The following TENM4 variants were observed in gnomAD, a reference collection of about 807,000 sequenced individuals.
The protein encoded by TENM4 is teneurin-4.
TENM4 carries 82 observed loss-of-function variants against 243.3 expected under a neutral mutation model. The ratio of observed to expected loss-of-function variants is 0.34; its 90% CI spans 0.28 to 0.40. The LOEUF (loss-of-function observed/expected upper bound fraction) is 0.40. Among genes scored for constraint, TENM4 ranks in the 10% least tolerant of loss-of-function variants. The pLI, the probability that TENM4 is intolerant of heterozygous loss-of-function variation, is 1.00. For synonymous variants in TENM4, 1,412 were observed against 1,456.3 expected (o/e 0.97, Z 0.69); for missense variants, 3,138 against 3,673.3 (o/e 0.85, Z 3.77).
chr11:79,090,062 A>C (rs1379482620), intron 4 of TENM4, among the ~76,000 whole-genome samples: 1 of 152,154 alleles, frequency 6.6e-6, no homozygotes. Flanking sequence ...ATACAAATAT[A>C]TGTTTTTCTT....
intron 4 of TENM4, among the ~76,000 whole-genome samples, chr11:79,136,412 G>A (rs1862110916): frequency 6.6e-6 from 1 of 152,134 alleles, no homozygotes; most frequent in Admixed American, 6.5e-5. Flanking sequence ...CATGAACAAT[G>A]TGGCCATGGT....
At chr11:78,956,686 C>T (rs2136512768) in intron 6 of TENM4, among the ~76,000 whole-genome samples, 1 of 152,322 alleles carries the variant, frequency 6.6e-6, no homozygotes, top group East Asian at 1.9e-4. Context: ...AATTCAGGAT[C>T]ACCATCTATT....
At chr11:78,971,066 G>A (rs1857535031) in intron 6 of TENM4, among the ~76,000 whole-genome samples, 1 of 152,040 alleles carries the variant, frequency 6.6e-6, no homozygotes, top group South Asian at 2.1e-4. Flanking sequence ...AGGCTAGAAT[G>A]TAGTGGCTAT....
At chr11:78,758,802 T>C (rs1856368542) in intron 18 of TENM4, among the ~76,000 whole-genome samples, 2 of 152,160 alleles carry the variant, frequency 1.3e-5, no homozygotes, top group African/African-American at 2.4e-5. Flanking sequence ...ATAAAGAGTA[T>C]GGATTCCAGA....
intron 3 of TENM4, among the ~76,000 whole-genome samples, chr11:79,187,221 A>G (rs1863396340): frequency 6.6e-6 from 1 of 152,212 alleles, no homozygotes; most frequent in Admixed American, 6.5e-5. Flanking sequence ...GGTTCAAGAT[A>G]GAGTAGTTAC....
chr11:78,877,328 C>G (rs1379524207), intron 9 of TENM4, among the ~76,000 whole-genome samples: 2 of 152,210 alleles, frequency 1.3e-5, no homozygotes, highest in African/African-American at 2.4e-5. Context: ...GCCTTGTCCC[C>G]TAAGCCTAGC....
chr11:78,658,614 C>T lies in TENM4; in HGVS notation c.7754G>A (p.Ser2585Asn), dbSNP rs1167921603. ...CCTTCGCCCATCCTCATTGGCCACA[C>T]TGATGATGTCTGTGGTCACTCGGCC... ...KDGRVTTDII[S>N]VANEDGRRVA... is the part of the protein sequence containing the mutation. Residue 2585 changes from serine to asparagine, a missense_variant, in exon 34 of 34, where the codon AGT becomes AAT. Transcript: ENST00000278550. 5 of 1,613,914 alleles carry T rather than the reference C, an allele frequency of 3.1e-6. No individual in the cohort carries two copies. The Admixed American group carries it at 8.3e-5, about 27-fold the overall frequency.
intron 1 of TENM4, among the ~76,000 whole-genome samples, chr11:79,314,748 T>A (rs1308876952): frequency 6.6e-6 from 1 of 152,188 alleles, no homozygotes; most frequent in Non-Finnish European, 1.5e-5. Context: ...TAAGACATAA[T>A]CCATATACTC....
intron 6 of TENM4, among the ~76,000 whole-genome samples, chr11:78,941,586 G>A (rs1473181023): frequency 2.0e-5 from 3 of 152,278 alleles, no homozygotes; most frequent in East Asian, 1.9e-4. Context: ...GCCCTGGCAC[G>A]GCGCCGGGGC....
chr11:78,772,546 G>A (rs769782481), intron 17 of TENM4, among the ~76,000 whole-genome samples: 3 of 152,156 alleles, frequency 2.0e-5, no homozygotes, highest in Non-Finnish European at 1.5e-5. Flanking sequence ...CTTCTGCCAT[G>A]AATTAATGGG....
intron 3 of TENM4, among the ~76,000 whole-genome samples, chr11:79,196,980 C>T (rs1043920102): frequency 2.6e-5 from 4 of 152,304 alleles, no homozygotes; most frequent in Non-Finnish European, 5.9e-5. Context: ...CTGGTCATGC[C>T]CAGGGTTAAG....
intron 1 of TENM4, among the ~76,000 whole-genome samples, chr11:79,308,916 G>T (rs983110117): frequency 6.6e-6 from 1 of 152,134 alleles, no homozygotes; most frequent in Non-Finnish European, 1.5e-5. Flanking sequence ...TTGTTACCTG[G>T]ACAGTGCTCT....
chr11:79,163,741 T>C (rs955407070), intron 3 of TENM4, among the ~76,000 whole-genome samples: 1 of 150,370 alleles, frequency 6.7e-6, no homozygotes, highest in Non-Finnish European at 1.5e-5. Context: ...TATGTCTGAG[T>C]AATACTCCAT....
At chr11:79,275,001 G>C (rs908855694) in intron 2 of TENM4, among the ~76,000 whole-genome samples, 6 of 152,106 alleles carry the variant, frequency 3.9e-5, no homozygotes, top group Non-Finnish European at 7.3e-5. Context: ...ACTTTATCCA[G>C]AACATCTCTG....
In TENM4 at chr11:78,669,884, A is replaced by G; in HGVS notation, c.6461T>C (p.Val2154Ala). Reference sequence around the variant, plus strand: ...GAGCGAGCGGAAGATCTCATACTGCACTTCCTTCATCCTGCCATATGCATC... The same window carrying G: ...GAGCGAGCGGAAGATCTCATACTGCGCTTCCTTCATCCTGCCATATGCATC... ...HFDAYGRMKE[V>A]QYEIFRSLMY... is the part of the protein sequence containing the mutation. Residue 2154 changes from valine (V) to alanine (A), a missense_variant, in exon 32 of 34, where the codon GTG becomes GCG. Around this residue, in one of 2 missense-constraint regions of TENM4, gnomAD observed 2,467 missense variants for 3,059.1 expected, o/e 0.81. Coordinates refer to ENST00000278550, the MANE Select transcript of TENM4 (RefSeq NM_001098816.3). This position sits in a 1 kb window ranked among gnomAD's most constrained non-coding sequence, Gnocchi z 6.4. 3.1e-6 allele frequency: 5 copies of G among 1,613,656 alleles called. No individual in the cohort carries two copies. The East Asian group carries it at 1.1e-4, about 36-fold the overall frequency.
chr11:79,315,833 T>C (rs926400205), intron 1 of TENM4, among the ~76,000 whole-genome samples: 30 of 152,324 alleles, frequency 2.0e-4, no homozygotes, highest in African/African-American at 6.7e-4. Context: ...TAAAATGAAA[T>C]GCAACGGAAA....
chr11:79,255,465 C>T (rs1855684051), intron 2 of TENM4, among the ~76,000 whole-genome samples: 1 of 152,220 alleles, frequency 6.6e-6, no homozygotes. Flanking sequence ...CAAAGAACTC[C>T]TCTTGGAAAG....
At chr11:79,252,922 A>C (rs1223986669) in intron 2 of TENM4, among the ~76,000 whole-genome samples, 1 of 152,122 alleles carries the variant, frequency 6.6e-6, no homozygotes, top group African/African-American at 2.4e-5. Context: ...AAGCTACTGA[A>C]TTTTCAAGTG....
In TENM4 at chr11:78,712,532, C is replaced by T. The variant is rs772241911; in HGVS notation, c.4004G>A (p.Arg1335His). The change falls in exon 26 of 34, where the codon CGC (arginine) becomes CAC (histidine). Residue 1335 changes from arginine to histidine, a missense_variant. Transcript: ENST00000278550. ...TGTGGCCTTCCCACCATCCCCGCAG[C>T]GAGTGTCATCAAAGGGGAGGCACTG... The part of the protein sequence containing the change: ...GDQCLPFDDT[R>H]CGDGGKATEA... The T allele has an allele frequency of 1.7e-5, 28 of 1,613,882 alleles. No homozygotes were observed. Among genetic ancestry groups the T allele is most frequent in the African/African-American group, 1.1e-4 (8 of 74,922 alleles).
Sources: allele counts gnomAD v4.1 joint callset (sites outside exome capture counted in the v4.1 genomes callset), GRCh38; gene constraint gnomAD v4.1.1; regional missense constraint gnomAD v4.1.1; non-coding constraint Gnocchi (gnomAD v3.1); transcripts MANE v1.5; gene names NCBI Gene and HGNC (gene_info 2026-07-23, HGNC 2026-07-21).